CCND2: variants seen among roughly 807,000 people sequenced by gnomAD.
CCND2 encodes the protein cyclin D2.
A neutral mutation model predicts 30.2 loss-of-function variants in CCND2; 6 were observed. The observed-to-expected ratio is 0.20, with a 90% CI of 0.11 to 0.39. The LOEUF (loss-of-function observed/expected upper bound fraction) is 0.39. CCND2 is among the 10% of genes least tolerant of loss of function. The pLI, the probability that CCND2 is intolerant of heterozygous loss-of-function variation, is 1.00. For missense variants in CCND2, 235 were observed against 373.4 expected (o/e 0.63, Z 3.06); for synonymous variants, 150 against 153.1 (o/e 0.98, Z 0.15).
At chr12:4,292,960 C>A (rs539284476) in intron 4 of CCND2, among the ~76,000 whole-genome samples, 11 of 152,284 alleles carry the variant, frequency 7.2e-5, no homozygotes, top group African/African-American at 2.4e-4. Flanking sequence ...TTGAATAAGG[C>A]CCAGCTTTTC....
At chr12:4,297,412 A>G (rs1864185745) in intron 4 of CCND2, among the ~76,000 whole-genome samples, 1 of 151,820 alleles carries the variant, frequency 6.6e-6, no homozygotes, top group Non-Finnish European at 1.5e-5. Flanking sequence ...CTCAACTATA[A>G]ATACAAAAAT....
Position 4,274,375 on chromosome 12 carries a change from G to A in CCND2, c.195+140G>A, listed in dbSNP as rs1038790662. On this transcript the variant is annotated intron_variant, in intron 1 of 4. Coordinates refer to ENST00000261254, the MANE Select transcript of CCND2 (RefSeq NM_001759.4). The surrounding 1 kb of genome is among the most constrained non-coding windows in gnomAD (Gnocchi z 7.7). ...TGCGGGAGTTTACCGCGCGCCTTCT[G>A]GCGAGACGCGTGGCTTTATTTCTGT... The A allele has an allele frequency of 4.2e-5, 35 of 836,658 alleles. No homozygotes were observed. The highest frequency in any genetic ancestry group is 1.3e-4 in the South Asian group (8 of 59,840). The allele number at this position is 836,658 out of a possible 1,614,324, so 51.8% of individuals were successfully genotyped here. A position where few individuals can be genotyped will look rare whatever the true frequency, so the allele number is the denominator to read the frequency against.
Position 4,299,392 on chromosome 12 carries a change from A to G in CCND2, c.721-468A>G, listed in dbSNP as rs1211979181. Among the ~76,000 whole-genome samples, 2 of 152,180 alleles carry G rather than the reference A, an allele frequency of 1.3e-5. No homozygotes were observed. Among genetic ancestry groups the G allele is most frequent in the Non-Finnish European group, 2.9e-5 (2 of 68,036 alleles). On this transcript the variant is annotated intron_variant, in intron 4 of 4. Transcript: ENST00000261254. The surrounding 1 kb of genome is among the most constrained non-coding windows in gnomAD (Gnocchi z 5.2). Reference sequence around the variant, plus strand: ...TATGTGAGGGTCAGTACGTTGGTTCATTGGCTTCCTTCTTATCTAGTTCTC... The same window carrying G: ...TATGTGAGGGTCAGTACGTTGGTTCGTTGGCTTCCTTCTTATCTAGTTCTC...
intron 1 of CCND2, among the ~76,000 whole-genome samples, chr12:4,275,760 G>C (rs975402056): frequency 6.6e-6 from 1 of 152,062 alleles, no homozygotes; most frequent in Non-Finnish European, 1.5e-5. Context: ...CCGTTTTGGA[G>C]CTGTAGTTCA....
In CCND2 at chr12:4,278,605, AGGG is replaced by A. The variant is rs532496132; in HGVS notation, c.412-153_412-151del. On this transcript the variant is annotated intron_variant, in intron 2 of 4. Transcript: ENST00000261254. ...GAGCTGTCAACAACTTCAAAGCTTC[AGGG>A]GCACATTGACAAATGGGCCCGCCTT... 293 of 589,648 alleles carry A rather than the reference AGGG, an allele frequency of 5.0e-4. 1 individual carries two copies. In the African/African-American group the frequency reaches 5.1e-3, roughly 10 times the overall value. The allele number at this position is 589,648 out of a possible 1,614,324, so 36.5% of individuals were successfully genotyped here.
chr12:4,286,617 T>C (rs1864026021), intron 3 of CCND2, among the ~76,000 whole-genome samples: 1 of 152,228 alleles, frequency 6.6e-6, no homozygotes, highest in African/African-American at 2.4e-5. Flanking sequence ...TTCATGCACA[T>C]AGTGCTCCCC....
chr12:4,294,346 C>T (rs1321610985), intron 4 of CCND2, among the ~76,000 whole-genome samples: 3 of 152,068 alleles, frequency 2.0e-5, no homozygotes, highest in Non-Finnish European at 2.9e-5. Flanking sequence ...CGACCGCCAG[C>T]GCGGTAGGGT....
chr12:4,287,125 G>T lies in CCND2; in HGVS notation c.572-1717G>T, dbSNP rs1445530834. 6.6e-6 allele frequency among the ~76,000 whole-genome samples: 1 copy of T among 152,224 alleles called. No individual in the cohort carries two copies. ...TAGGAGGGGCGGGTGGACAGCAGGC[G>T]TGGGCGCAGCACCATTATATACGTC... On this transcript the variant is annotated intron_variant, in intron 3 of 4. Coordinates refer to ENST00000261254, the MANE Select transcript of CCND2 (RefSeq NM_001759.4). This position sits in a 1 kb window ranked among gnomAD's most constrained non-coding sequence, Gnocchi z 4.0.
intron 4 of CCND2, among the ~76,000 whole-genome samples, chr12:4,292,722 A>T (rs1174326194): frequency 3.3e-5 from 5 of 152,098 alleles, no homozygotes; most frequent in Admixed American, 6.5e-5. Context: ...TCCAATCGTA[A>T]GAGTTGCTAA....
chr12:4,292,520 T>A (rs1864114727), intron 4 of CCND2, among the ~76,000 whole-genome samples: 1 of 152,076 alleles, frequency 6.6e-6, no homozygotes, highest in African/African-American at 2.4e-5. Context: ...TCTCTGTGGT[T>A]CATTGGCCAG....
chr12:4,297,844 C>T (rs1237341273), intron 4 of CCND2: 2 of 453,372 alleles, frequency 4.4e-6, no homozygotes, highest in Non-Finnish European at 8.9e-6. Flanking sequence ...TCCCAGAGGC[C>T]AGCGCCCGAC....
intron 4 of CCND2, 114 bp downstream of exon 4, chr12:4,289,104 G>A: frequency 9.7e-7 from 1 of 1,032,342 alleles, no homozygotes. Context: ...TGTTTCCTAA[G>A]ATCGACATCC....
At chr12:4,277,316 C>T (rs1863888561) in intron 2 of CCND2, among the ~76,000 whole-genome samples, 1 of 152,130 alleles carries the variant, frequency 6.6e-6, no homozygotes, top group Admixed American at 6.5e-5. Flanking sequence ...CTCGCATTAC[C>T]CTGTGAAGAG....
intron 4 of CCND2, among the ~76,000 whole-genome samples, chr12:4,294,210 G>C (rs1864136204): frequency 6.6e-6 from 1 of 151,856 alleles, no homozygotes; most frequent in Non-Finnish European, 1.5e-5. Flanking sequence ...GAGGAAGTCA[G>C]AGGCCCTTGT....
rs1232333631 is a variant in CCND2 at position 4,273,780 on chromosome 12, CA to C, written c.-260del. The C allele has an allele frequency of 9.2e-6, 5 of 546,036 alleles. No homozygotes were observed. Among genetic ancestry groups the C allele is most frequent in the Non-Finnish European group, 1.3e-5 (4 of 308,120 alleles). The allele number at this position is 546,036 out of a possible 1,614,324, so 33.8% of individuals were successfully genotyped here. On this transcript the variant is annotated 5_prime_UTR_variant, in exon 1 of 5. Transcript: ENST00000261254. The surrounding 1 kb of genome is among the most constrained non-coding windows in gnomAD (Gnocchi z 5.9). Reference sequence around the variant, plus strand: ...CCGCTTCAGAGCGGAGAAGAGCGAGCAGGGGAGAGCGAGACCAGTTTTAAGG... The same window carrying C: ...CCGCTTCAGAGCGGAGAAGAGCGAGCGGGGAGAGCGAGACCAGTTTTAAGG...
intron 2 of CCND2, among the ~76,000 whole-genome samples, chr12:4,278,274 G>A (rs3217804): frequency 0.012 from 1,878 of 152,236 alleles, 43 homozygotes; most frequent in African/African-American, 0.042. Flanking sequence ...CAAGGAGTTG[G>A]GCCAAGGAAC....
At chr12:4,277,936 G>A (rs1863896511) in intron 2 of CCND2, among the ~76,000 whole-genome samples, 1 of 152,238 alleles carries the variant, frequency 6.6e-6, no homozygotes, top group Non-Finnish European at 1.5e-5. Context: ...GTATCTCAGT[G>A]AAAGAGGGAA....
Position 4,302,457 on chromosome 12 carries a change from C to G in CCND2, c.*2448C>G, listed in dbSNP as rs549525414. 32 of 233,068 alleles carry G rather than the reference C, an allele frequency of 1.4e-4. No homozygotes were observed. The highest frequency in any genetic ancestry group is 6.6e-4 in the African/African-American group (30 of 45,422). The allele number at this position is 233,068 out of a possible 1,614,324, so 14.4% of individuals were successfully genotyped here. On this transcript the variant is annotated 3_prime_UTR_variant, in exon 5 of 5. Coordinates refer to ENST00000261254, the MANE Select transcript of CCND2 (RefSeq NM_001759.4). ...AGGGCCCTTTCATCTTGAAGTTTTT[C>G]CCCTCCGTCTTTCCCCTCCCCTGGC...
rs1431436047 is a variant in CCND2, at chr12:4,276,802, C to T, written c.411+582C>T. Reference sequence around the variant, plus strand: ...TTCCTACCTCCAGTGGGACTGTGACCTCTGTACAACCCCAGGGATCCTGTC... The same window carrying T: ...TTCCTACCTCCAGTGGGACTGTGACTTCTGTACAACCCCAGGGATCCTGTC... On this transcript the variant is annotated intron_variant, in intron 2 of 4. Transcript: ENST00000261254. The surrounding 1 kb of genome is among the most constrained non-coding windows in gnomAD (Gnocchi z 4.8). Among the ~76,000 whole-genome samples the T allele has an allele frequency of 2.6e-5, 4 of 152,208 alleles. No individual in the cohort carries two copies. Among genetic ancestry groups the T allele is most frequent in the African/African-American group, 4.8e-5 (2 of 41,444 alleles).
Sources: allele counts gnomAD v4.1 joint callset (sites outside exome capture counted in the v4.1 genomes callset), GRCh38; gene constraint gnomAD v4.1.1; non-coding constraint Gnocchi (gnomAD v3.1); transcripts MANE v1.5; gene names NCBI Gene and HGNC (gene_info 2026-07-23, HGNC 2026-07-21).